The following SNX13 variants were observed in gnomAD, a reference collection of about 807,000 sequenced individuals.
SNX13 encodes sorting nexin-13.
Under a neutral mutation model 133.6 loss-of-function variants are expected in SNX13, and 45 were observed. The ratio of observed to expected loss-of-function variants is 0.34; its 90% CI spans 0.27 to 0.43. The LOEUF (loss-of-function observed/expected upper bound fraction) is 0.43, where lower values mean the gene tolerates loss of function less well. SNX13 is among the 20% of genes least tolerant of loss of function. The pLI, the probability that SNX13 is intolerant of heterozygous loss-of-function variation, is 1.00. For missense variants in SNX13, 1,032 were observed against 1,145.1 expected, an observed-to-expected ratio of 0.90 and a Z score of 1.43; for synonymous variants, 414 against 373.9, an observed-to-expected ratio of 1.11 and a Z score of -1.24.
rs541392660 is a variant in SNX13 at position 17,913,047 on chromosome 7, T to TG, written c.13-15602dup. Among the ~76,000 whole-genome samples the TG allele has an allele frequency of 2.9e-3, 435 of 152,292 alleles. 1 individual carries two copies. The highest frequency in any genetic ancestry group is 4.6e-3 in the Non-Finnish European group (313 of 68,026). The stretch of plus-strand genomic sequence containing the variant: ...TGCTGGGCACCCCAGTCTGCTTTCA[T>TG]GGACAGTTCAGGGAGAGTGTCTCAC... On this transcript the variant is annotated intron_variant, in intron 1 of 25. Transcript: ENST00000428135.
intron 12 of SNX13, among the ~76,000 whole-genome samples, chr7:17,840,855 C>T (rs1242974569): frequency 6.6e-6 from 1 of 152,062 alleles, no homozygotes; most frequent in African/African-American, 2.4e-5. Context: ...AGTGCAATGG[C>T]AGAATCTGAT....
intron 9 of SNX13, among the ~76,000 whole-genome samples, chr7:17,861,676 C>T (rs925738336): frequency 2.6e-5 from 4 of 152,144 alleles, no homozygotes; most frequent in Admixed American, 6.5e-5. Flanking sequence ...ACTTCCTAAA[C>T]ACACTGTGTG....
chr7:17,919,656 T>C (rs901316955), intron 1 of SNX13, among the ~76,000 whole-genome samples: 13 of 152,248 alleles, frequency 8.5e-5, no homozygotes, highest in African/African-American at 2.6e-4. Flanking sequence ...TTTAGAAAAA[T>C]TGATACTATT....
intron 2 of SNX13, among the ~76,000 whole-genome samples, chr7:17,894,795 T>C (rs1797025907): frequency 6.6e-6 from 1 of 152,186 alleles, no homozygotes; most frequent in Non-Finnish European, 1.5e-5. Flanking sequence ...CATTAAATAT[T>C]GTCAGTCTCA....
chr7:17,932,430 A>C (rs911059500), intron 1 of SNX13, among the ~76,000 whole-genome samples: 1 of 152,218 alleles, frequency 6.6e-6, no homozygotes, highest in African/African-American at 2.4e-5. Context: ...CAATCCTTTA[A>C]GGGTAATTAA....
At chr7:17,885,783 G>C (rs1040001197) in intron 5 of SNX13, among the ~76,000 whole-genome samples, 1 of 152,294 alleles carries the variant, frequency 6.6e-6, no homozygotes, top group South Asian at 2.1e-4. Context: ...AGCCGAGATC[G>C]TGCCACTGCA....
intron 5 of SNX13, chr7:17,881,866 C>T (rs1795388355): frequency 6.6e-6 from 1 of 152,148 alleles, no homozygotes; most frequent in Non-Finnish European, 1.5e-5. Context: ...GAATTGTAAG[C>T]TTCATTTTGA....
At chr7:17,830,879 A>T (rs780827482) in intron 15 of SNX13, 35 of 984,300 alleles carry the variant, frequency 3.6e-5, no homozygotes, top group Middle Eastern at 5.2e-4. Context: ...TCTTCAAAAA[A>T]GCAACACTAC....
intron 1 of SNX13, among the ~76,000 whole-genome samples, chr7:17,912,977 A>T (rs1799156108): frequency 6.6e-6 from 1 of 152,170 alleles, no homozygotes; most frequent in South Asian, 2.1e-4. Context: ...CAAGACTCGC[A>T]GCCAGGGACA....
chr7:17,936,840 GA>G (rs906900906), intron 1 of SNX13, among the ~76,000 whole-genome samples: 3 of 141,760 alleles, frequency 2.1e-5, no homozygotes, highest in African/African-American at 2.8e-5. Context: ...AAAAAAAAAA[GA>G]AAAAAAAAGA....
chr7:17,913,760 C>CAAAAAAAAAAAAAAAAA (rs71010278), intron 1 of SNX13, among the ~76,000 whole-genome samples: 4 of 54,084 alleles, frequency 7.4e-5, no homozygotes, highest in African/African-American at 1.9e-4. Flanking sequence ...TTAACAAAAA[C>CAAAAAAAAAAAAAAAAA]AAAAAAAAAA....
intron 1 of SNX13, among the ~76,000 whole-genome samples, chr7:17,919,583 A>C (rs1421645419): frequency 6.6e-6 from 1 of 152,212 alleles, no homozygotes; most frequent in Non-Finnish European, 1.5e-5. Flanking sequence ...ACAACTTAGA[A>C]ATGTACCCCT....
At chr7:17,917,511 G>A (rs1799690888) in intron 1 of SNX13, among the ~76,000 whole-genome samples, 1 of 151,810 alleles carries the variant, frequency 6.6e-6, no homozygotes, top group Non-Finnish European at 1.5e-5. Flanking sequence ...TAACATTCAA[G>A]CCAAAAACCA....
At chr7:17,827,912 C>A (rs1014845210) in intron 16 of SNX13, among the ~76,000 whole-genome samples, 1 of 151,796 alleles carries the variant, frequency 6.6e-6, no homozygotes, top group Non-Finnish European at 1.5e-5. Flanking sequence ...ATATTATCTA[C>A]TATAACTTCT....
intron 18 of SNX13, among the ~76,000 whole-genome samples, chr7:17,819,453 C>T (rs1787038186): frequency 6.6e-6 from 1 of 152,134 alleles, no homozygotes. Context: ...TCTCAAACTC[C>T]TGACCTCAAG....
At chr7:17,822,417 T>A (rs1212770651) in intron 17 of SNX13, among the ~76,000 whole-genome samples, 1 of 152,180 alleles carries the variant, frequency 6.6e-6, no homozygotes, top group Non-Finnish European at 1.5e-5. Flanking sequence ...TCTCTTCTCA[T>A]CTGTATCTGG....
intron 20 of SNX13, among the ~76,000 whole-genome samples, chr7:17,808,767 C>T (rs1233242896): frequency 1.3e-5 from 2 of 152,150 alleles, no homozygotes; most frequent in African/African-American, 2.4e-5. Flanking sequence ...TTGGCAGAAT[C>T]CCTACAAGCC....
rs1057171650 is a variant in SNX13 at position 17,849,768 on chromosome 7, T to G, written c.1065+579A>C. 5.9e-5 allele frequency among the ~76,000 whole-genome samples: 9 copies of G among 152,216 alleles called. 1 individual carries two copies. The highest frequency in any genetic ancestry group is 2.2e-4 in the African/African-American group (9 of 41,454). On this transcript the variant is annotated intron_variant, in intron 11 of 25. Coordinates refer to ENST00000428135, the MANE Select transcript of SNX13 (RefSeq NM_015132.5). ...TCATGACTGCCTCTAAGATAGATACTTCAAAGGCAAACAAAAATACATCAC... is the reference window on the plus strand; with the variant it reads ...TCATGACTGCCTCTAAGATAGATACGTCAAAGGCAAACAAAAATACATCAC...
At chr7:17,833,761 C>T (rs1788801123) in intron 15 of SNX13, among the ~76,000 whole-genome samples, 1 of 151,674 alleles carries the variant, frequency 6.6e-6, no homozygotes, top group Non-Finnish European at 1.5e-5. Flanking sequence ...TTGTTACTTA[C>T]TCCCAAAAGG....
Sources: gnomAD v4.1 joint callset for allele counts (sites outside exome capture counted in the v4.1 genomes callset) on GRCh38, gnomAD v4.1.1 for gene constraint, MANE v1.5 for transcripts, NCBI Gene and HGNC (gene_info 2026-07-23, HGNC 2026-07-21) for gene names.